MREG: variants seen among roughly 807,000 people sequenced by gnomAD.
The protein encoded by MREG is melanoregulin.
A neutral mutation model predicts 28.5 loss-of-function variants in MREG; 31 were observed. The ratio of observed to expected loss-of-function variants is 1.09; its 90% CI spans 0.82 to 1.47. MREG has a LOEUF of 1.47. Ranked by LOEUF, MREG falls within the 40% of genes most tolerant of loss-of-function variation. The pLI, the probability that MREG is intolerant of heterozygous loss-of-function variation, is 0.00. For missense variants in MREG, 256 were observed against 257.4 expected, an observed-to-expected ratio of 0.99 and a Z score of 0.04; for synonymous variants, 106 against 95.2, an observed-to-expected ratio of 1.11 and a Z score of -0.66.
At chr2:216,033,955 A>G (rs1694752111), upstream of MREG, 1 of 152,248 alleles carries the variant, frequency 6.6e-6, no homozygotes, top group Non-Finnish European at 1.5e-5. Context: ...GTTTTGACGT[A>G]GCATACCTTT....
At chr2:215,966,064 G>T (rs1425253708) in intron 2 of MREG, among the ~76,000 whole-genome samples, 1 of 152,088 alleles carries the variant, frequency 6.6e-6, no homozygotes, top group African/African-American at 2.4e-5. Context: ...ATCAAATGGA[G>T]TTCTTTTAAA....
intron 2 of MREG, among the ~76,000 whole-genome samples, chr2:215,990,099 T>C (rs1448619071): frequency 6.6e-6 from 1 of 151,982 alleles, no homozygotes; most frequent in Non-Finnish European, 1.5e-5. Context: ...AATTATAAGA[T>C]TCACCAAGGT....
chr2:215,992,437 G>T (rs867515234), intron 2 of MREG, among the ~76,000 whole-genome samples: 2 of 152,160 alleles, frequency 1.3e-5, no homozygotes, highest in African/African-American at 4.8e-5. Context: ...AGCTGTTTAT[G>T]ACAAACCCAC....
chr2:215,959,804 G>A (rs1692729795), intron 2 of MREG, among the ~76,000 whole-genome samples: 1 of 152,132 alleles, frequency 6.6e-6, no homozygotes, highest in South Asian at 2.1e-4. Flanking sequence ...CTTCCTCTGT[G>A]ATCTAAATCC....
At chr2:215,977,659 A>C (rs1405698743) in intron 2 of MREG, among the ~76,000 whole-genome samples, 3 of 152,232 alleles carry the variant, frequency 2.0e-5, no homozygotes, top group Non-Finnish European at 2.9e-5. Context: ...ATGTGAAAGA[A>C]CAGAAATTAT....
intron 2 of MREG, among the ~76,000 whole-genome samples, chr2:215,962,524 A>C (rs1347570845): frequency 2.0e-5 from 3 of 152,240 alleles, no homozygotes; most frequent in Admixed American, 6.5e-5. Flanking sequence ...ACAAAGGATA[A>C]TATGACTAAA....
intron 2 of MREG, among the ~76,000 whole-genome samples, chr2:215,964,063 C>G (rs796349558): frequency 2.0e-4 from 30 of 152,042 alleles, no homozygotes; most frequent in African/African-American, 6.8e-4. Context: ...TCCAAGACAA[C>G]AGAAAAAATA....
intron 2 of MREG, among the ~76,000 whole-genome samples, chr2:215,963,216 G>A (rs909749962): frequency 2.0e-5 from 3 of 152,094 alleles, no homozygotes; most frequent in African/African-American, 7.2e-5. Flanking sequence ...TCCCAGCACT[G>A]TGGAAGGCCG....
chr2:216,000,248 G>C lies in MREG; in HGVS notation c.96-3783C>G, dbSNP rs916250830. Among the ~76,000 whole-genome samples the C allele has an allele frequency of 1.2e-4, 19 of 152,120 alleles. 1 individual carries two copies. The highest frequency in any genetic ancestry group is 6.3e-3 in the Middle Eastern group (2 of 316). ...TGACTTCTTCTGGGCCAGACAGCCA[G>C]CTGACAGTCCCCCCAACATGAGTTC... is the stretch of plus-strand genomic sequence containing the variant. On this transcript the variant is annotated intron_variant, in intron 1 of 4. Transcript: ENST00000263268.
chr2:216,030,725 C>CTTTTTTTTT (rs549744417), intron 1 of MREG, among the ~76,000 whole-genome samples: 1 of 145,026 alleles, frequency 6.9e-6, no homozygotes, highest in African/African-American at 2.5e-5. Context: ...GTATTTCTTT[C>CTTTTTTTTT]TTTCTTTTTT....
chr2:216,022,955 G>A (rs1273280229), intron 1 of MREG, among the ~76,000 whole-genome samples: 3 of 152,168 alleles, frequency 2.0e-5, no homozygotes, highest in Non-Finnish European at 2.9e-5. Flanking sequence ...GCGACCGGAG[G>A]CTTGCCTCAA....
intron 2 of MREG, among the ~76,000 whole-genome samples, chr2:215,973,939 C>A (rs1379101245): frequency 6.6e-6 from 1 of 152,178 alleles, no homozygotes; most frequent in Non-Finnish European, 1.5e-5. Flanking sequence ...CCTCCTGCTG[C>A]AAAACATGTT....
chr2:215,970,616 T>C lies in MREG; in HGVS notation c.256-23503A>G, dbSNP rs191438821. Among the ~76,000 whole-genome samples, 561 of 152,332 alleles carry C rather than the reference T, an allele frequency of 3.7e-3. 4 individuals are homozygous for C. Among genetic ancestry groups the C allele is most frequent in the Middle Eastern group, 0.017 (5 of 294 alleles). ...GCACAAGGGCAGCAGGGAAACAGCA[T>C]GAGCTCTGGGTCTGAGTCTGAGCTT... On this transcript the variant is annotated intron_variant, in intron 2 of 4. Transcript: ENST00000263268.
intron 1 of MREG, among the ~76,000 whole-genome samples, chr2:215,996,732 A>G (rs1693884652): frequency 6.6e-6 from 1 of 152,114 alleles, no homozygotes; most frequent in South Asian, 2.1e-4. Flanking sequence ...TATGAAATTC[A>G]GCACTGAGTA....
At chr2:215,990,624 C>T (rs1693697016) in intron 2 of MREG, among the ~76,000 whole-genome samples, 1 of 152,098 alleles carries the variant, frequency 6.6e-6, no homozygotes, top group Non-Finnish European at 1.5e-5. Flanking sequence ...AGTCAAGACC[C>T]ATCAGTGTGC....
intron 1 of MREG, among the ~76,000 whole-genome samples, chr2:216,008,392 G>A (rs1002642756): frequency 1.3e-5 from 2 of 150,864 alleles, no homozygotes; most frequent in Non-Finnish European, 2.9e-5. Flanking sequence ...ATCAAACATC[G>A]TTACATCTGT....
At chr2:215,951,539 T>G (rs1692485367) in intron 2 of MREG, among the ~76,000 whole-genome samples, 1 of 152,216 alleles carries the variant, frequency 6.6e-6, no homozygotes, top group Non-Finnish European at 1.5e-5. Context: ...GTGGTCAATG[T>G]GATGCCGTGG....
intron 1 of MREG, among the ~76,000 whole-genome samples, chr2:216,022,448 T>C (rs1329589382): frequency 6.6e-6 from 1 of 152,196 alleles, no homozygotes; most frequent in Non-Finnish European, 1.5e-5. Context: ...TAGATTCTTA[T>C]AGCTAACTAT....
intron 1 of MREG, among the ~76,000 whole-genome samples, chr2:216,027,729 G>A: frequency 6.6e-6 from 1 of 152,074 alleles, no homozygotes; most frequent in Non-Finnish European, 1.5e-5. Context: ...AAGACACTAG[G>A]ACCTTGAAAG....
Sources: gnomAD v4.1 joint callset for allele counts (sites outside exome capture counted in the v4.1 genomes callset) on GRCh38, gnomAD v4.1.1 for gene constraint, MANE v1.5 for transcripts, NCBI Gene and HGNC (gene_info 2026-07-23, HGNC 2026-07-21) for gene names.